Variants in GRID2 observed in about 807,000 individuals in gnomAD.
The protein encoded by GRID2 is glutamate receptor ionotropic, delta-2.
Under a neutral mutation model 114.8 loss-of-function variants are expected in GRID2, and 33 were observed. The ratio of observed to expected loss-of-function variants is 0.29; its 90% CI spans 0.22 to 0.38. GRID2 has a LOEUF of 0.38. Among genes scored for constraint, GRID2 ranks in the 10% least tolerant of loss-of-function variants. GRID2 has a pLI of 1.00. For synonymous variants in GRID2, 505 were observed against 449.9 expected, an observed-to-expected ratio of 1.12 and a Z score of -1.55; for missense variants, 1,184 against 1,257.7, an observed-to-expected ratio of 0.94 and a Z score of 0.89.
chr4:93,345,333 A>G (rs1476012204), intron 8 of GRID2, among the ~76,000 whole-genome samples: 1 of 151,922 alleles, frequency 6.6e-6, no homozygotes, highest in Non-Finnish European at 1.5e-5. Flanking sequence ...CTTTAGTAGT[A>G]GCCACTCTCT....
At chr4:92,391,327 G>T (rs1351600788) in intron 1 of GRID2, among the ~76,000 whole-genome samples, 2 of 152,042 alleles carry the variant, frequency 1.3e-5, no homozygotes, top group Non-Finnish European at 2.9e-5. Context: ...CGACTTCATG[G>T]TTACTTTCAG....
At chr4:92,805,504 T>G (rs1026459244) in intron 2 of GRID2, among the ~76,000 whole-genome samples, 3 of 152,098 alleles carry the variant, frequency 2.0e-5, no homozygotes, top group African/African-American at 7.2e-5. Context: ...TTTTTACAAA[T>G]GTATATGATC....
chr4:93,227,622 G>A lies in GRID2; in HGVS notation c.1125+2847G>A, dbSNP rs993343069. ...TTAATATAAAATCTATCTTTAAGTC[G>A]TTTATTTTTCTCACATCTTATTATG... is the stretch of plus-strand genomic sequence containing the variant. On this transcript the variant is annotated intron_variant, in intron 7 of 15. Transcript: ENST00000282020. Among the ~76,000 whole-genome samples, 8 of 152,092 alleles carry A rather than the reference G, an allele frequency of 5.3e-5. No individual in the cohort carries two copies. In the East Asian group the frequency reaches 7.7e-4, roughly 15 times the overall value.
intron 10 of GRID2, among the ~76,000 whole-genome samples, chr4:93,455,376 T>G (rs1295198993): frequency 6.6e-6 from 1 of 152,118 alleles, no homozygotes; most frequent in East Asian, 1.9e-4. Flanking sequence ...AAAAGACAAT[T>G]TTCTCCCTGT....
chr4:92,311,175 T>C (rs1725690547), intron 1 of GRID2, among the ~76,000 whole-genome samples: 1 of 152,228 alleles, frequency 6.6e-6, no homozygotes. Flanking sequence ...TCAACTATCA[T>C]TGTGTATGTA....
intron 3 of GRID2, among the ~76,000 whole-genome samples, chr4:93,110,097 T>G (rs1732624413): frequency 6.6e-6 from 1 of 152,190 alleles, no homozygotes; most frequent in South Asian, 2.1e-4. Context: ...AAAATATGTT[T>G]TGCACATTAA....
intron 4 of GRID2, among the ~76,000 whole-genome samples, chr4:93,123,713 T>C (rs983418884): frequency 1.3e-5 from 2 of 152,140 alleles, no homozygotes; most frequent in African/African-American, 2.4e-5. Flanking sequence ...ATAAAGTCTA[T>C]TGGCAATGTA....
chr4:92,660,725 C>A (rs995703847), intron 2 of GRID2, among the ~76,000 whole-genome samples: 1 of 151,106 alleles, frequency 6.6e-6, no homozygotes, highest in Non-Finnish European at 1.5e-5. Context: ...ACATTCATTT[C>A]CCTTGCATAT....
intron 1 of GRID2, among the ~76,000 whole-genome samples, chr4:92,469,210 C>T (rs965250136): frequency 1.3e-5 from 2 of 152,074 alleles, no homozygotes; most frequent in Non-Finnish European, 2.9e-5. Flanking sequence ...TTTTTTTCTT[C>T]AGTGTCAAGT....
chr4:92,996,833 G>A (rs947738105), intron 2 of GRID2, among the ~76,000 whole-genome samples: 1 of 152,106 alleles, frequency 6.6e-6, no homozygotes, highest in Non-Finnish European at 1.5e-5. Context: ...CAGGCTGGCA[G>A]CAAATGCATT....
At chr4:93,415,796 A>G (rs1767644584) in intron 9 of GRID2, among the ~76,000 whole-genome samples, 2 of 152,036 alleles carry the variant, frequency 1.3e-5, no homozygotes. Context: ...CTTTAACTTT[A>G]TGCTCAATTT....
At chr4:92,991,559 A>G (rs1025880718) in intron 2 of GRID2, among the ~76,000 whole-genome samples, 1 of 152,208 alleles carries the variant, frequency 6.6e-6, no homozygotes, top group African/African-American at 2.4e-5. Context: ...AGTTGGTTTT[A>G]TTTATAAGCA....
chr4:93,355,292 G>A (rs1314797295), intron 8 of GRID2, among the ~76,000 whole-genome samples: 1 of 151,892 alleles, frequency 6.6e-6, no homozygotes, highest in Non-Finnish European at 1.5e-5. Context: ...TCCATTTGAT[G>A]TCTGCTGGGA....
intron 1 of GRID2, among the ~76,000 whole-genome samples, chr4:92,530,508 G>GGA (rs71579565): frequency 6.5e-5 from 7 of 107,214 alleles, no homozygotes; most frequent in East Asian, 2.8e-4. Context: ...GACTAGTACA[G>GGA]AAAAAAAAAA....
Position 92,637,063 on chromosome 4 carries a change from TATA to T in GRID2, c.244+46780_244+46782del, listed in dbSNP as rs530014342. ...TATTCAAATTTCAGGTAAATTTAAA[TATA>T]ATGTAATTTTTCAAAATAATTCTTT... On this transcript the variant is annotated intron_variant, in intron 2 of 15. Coordinates refer to ENST00000282020, the MANE Select transcript of GRID2 (RefSeq NM_001510.4). 1.1e-3 allele frequency among the ~76,000 whole-genome samples: 170 copies of T among 152,080 alleles called. 1 individual carries two copies. The highest frequency in any genetic ancestry group is 3.9e-3 in the African/African-American group (161 of 41,552).
intron 1 of GRID2, among the ~76,000 whole-genome samples, chr4:92,575,164 G>T (rs1253594734): frequency 6.6e-6 from 1 of 152,174 alleles, no homozygotes; most frequent in Non-Finnish European, 1.5e-5. Flanking sequence ...GCTTCATCAG[G>T]TTGGTTATGT....
intron 2 of GRID2, among the ~76,000 whole-genome samples, chr4:92,839,375 G>A (rs373050711): frequency 1.2e-3 from 178 of 149,966 alleles, no homozygotes; most frequent in African/African-American, 4.0e-3. Flanking sequence ...CCATTAACTC[G>A]TCATTTGGCA....
chr4:93,617,435 A>G (rs2149677202), intron 13 of GRID2, among the ~76,000 whole-genome samples: 1 of 152,276 alleles, frequency 6.6e-6, no homozygotes, highest in Non-Finnish European at 1.5e-5. Flanking sequence ...CAGTCTGCAT[A>G]TGTGTTTTTA....
intron 1 of GRID2, among the ~76,000 whole-genome samples, chr4:92,493,903 T>C (rs897480468): frequency 1.3e-5 from 2 of 152,174 alleles, no homozygotes; most frequent in Non-Finnish European, 2.9e-5. Context: ...ATCACATACA[T>C]TGACTTAACA....
Sources: gnomAD v4.1 joint callset for allele counts (sites outside exome capture counted in the v4.1 genomes callset) on GRCh38, gnomAD v4.1.1 for gene constraint, MANE v1.5 for transcripts, NCBI Gene and HGNC (gene_info 2026-07-23, HGNC 2026-07-21) for gene names.